Variants in PRELID2 observed in about 807,000 individuals in gnomAD.
PRELID2 encodes PRELI domain-containing protein 2.
Under a neutral mutation model 28.4 loss-of-function variants are expected in PRELID2, and 25 were observed. That is an observed-to-expected ratio of 0.88 (90% CI 0.64 to 1.23). The LOEUF is 1.23. PRELID2 is among the 50% of genes most tolerant of loss of function. The pLI is 0.00. For missense variants in PRELID2, 201 were observed against 214.4 expected (o/e 0.94, Z 0.39); for synonymous variants, 76 against 71.6 (o/e 1.06, Z -0.31).
intron 5 of PRELID2, among the ~76,000 whole-genome samples, chr5:145,769,899 T>C (rs887714358): frequency 1.3e-5 from 2 of 152,220 alleles, no homozygotes; most frequent in Non-Finnish European, 2.9e-5. Flanking sequence ...AAAAACACTA[T>C]GACTTTTAAA....
At chr5:145,229,233 GTCCCTGGAGGGC>G in the PRELID2 span, 1 of 780,658 alleles carries the variant, frequency 1.3e-6, no homozygotes, top group African/African-American at 1.7e-5. Context: ...CCAGATGAAG[GTCCCTGGAGGGC>G]TCCCTGGAGG....
chr5:145,430,669 C>T, the PRELID2 span, among the ~76,000 whole-genome samples: 3 of 152,106 alleles, frequency 2.0e-5, no homozygotes, highest in South Asian at 4.2e-4. Flanking sequence ...CTTTGATTTG[C>T]GTAGTTTTCT....
At chr5:145,311,593 T>C in the PRELID2 span, among the ~76,000 whole-genome samples, 2 of 152,228 alleles carry the variant, frequency 1.3e-5, no homozygotes, top group African/African-American at 4.8e-5. Flanking sequence ...CACTATTTTC[T>C]GGCAAACACA....
At chr5:145,340,480 C>A in the PRELID2 span, among the ~76,000 whole-genome samples, 1 of 152,098 alleles carries the variant, frequency 6.6e-6, no homozygotes, top group Non-Finnish European at 1.5e-5. Context: ...AGGAATCAGG[C>A]TTTCAGGCTG....
In PRELID2 at chr5:145,574,823, T is replaced by C. The variant is rs1053339608; in HGVS notation, n.71-101508A>G. On this transcript the variant is annotated intron_variant and non_coding_transcript_variant, in intron 1 of 2. Transcript: ENST00000510259. ...CTATAAATCATCTCTAGATCACTTA[T>C]AACACATAATACAATGTAAATGCTA... is the stretch of plus-strand genomic sequence containing the variant. Among the ~76,000 whole-genome samples, 5 of 152,204 alleles carry C rather than the reference T, an allele frequency of 3.3e-5. No homozygotes were observed. In the East Asian group the frequency reaches 5.8e-4, roughly 18 times the overall value.
intron 1 of PRELID2, among the ~76,000 whole-genome samples, chr5:145,724,600 A>AATAAATATATATAT (rs1308255896): frequency 8.1e-5 from 2 of 24,778 alleles, no homozygotes; most frequent in Non-Finnish European, 9.5e-5. Context: ...GAAGTAAATA[A>AATAAATATATATAT]ATATATATAT....
chr5:145,741,970 AT>A (rs1756810380), intron 1 of PRELID2, among the ~76,000 whole-genome samples: 1 of 53,774 alleles, frequency 1.9e-5, no homozygotes, highest in African/African-American at 6.1e-5. Flanking sequence ...AAATAAATAA[AT>A]TTATTTAATT....
At chr5:145,749,316 A>T (rs181309697) in intron 1 of PRELID2, among the ~76,000 whole-genome samples, 1 of 152,372 alleles carries the variant, frequency 6.6e-6, no homozygotes, top group Admixed American at 6.5e-5. Flanking sequence ...GGATATGAAC[A>T]GATACTTCAA....
intron 1 of PRELID2, among the ~76,000 whole-genome samples, chr5:145,549,502 G>A (rs1752814799): frequency 1.3e-5 from 2 of 152,090 alleles, no homozygotes; most frequent in Admixed American, 1.3e-4. Context: ...GTACATGCCA[G>A]GTGCAGTGGC....
At chr5:145,628,428 G>A (rs57901705) in intron 1 of PRELID2, among the ~76,000 whole-genome samples, 26,487 of 151,992 alleles carry the variant, frequency 0.17, 3,815 homozygotes, top group African/African-American at 0.38. Context: ...GGTTCAAGCA[G>A]TTCTCCTGCC....
the PRELID2 span, among the ~76,000 whole-genome samples, chr5:145,245,059 G>A: frequency 2.6e-5 from 4 of 151,726 alleles, no homozygotes; most frequent in Admixed American, 6.6e-5. Flanking sequence ...CTTCATTGAC[G>A]TCACTATAGC....
the PRELID2 span, among the ~76,000 whole-genome samples, chr5:145,407,593 C>A: frequency 3.9e-5 from 6 of 152,136 alleles, no homozygotes; most frequent in South Asian, 2.1e-4. Context: ...GCCTAAAAAA[C>A]CCCAGTACTT....
At chr5:145,260,980 G>T in the PRELID2 span, among the ~76,000 whole-genome samples, 3 of 152,156 alleles carry the variant, frequency 2.0e-5, no homozygotes, top group Non-Finnish European at 2.9e-5. Flanking sequence ...TGGGGGCATG[G>T]TGGGAGTGAG....
At chr5:145,790,206 T>G (rs1446894512) in intron 5 of PRELID2, among the ~76,000 whole-genome samples, 1 of 152,186 alleles carries the variant, frequency 6.6e-6, no homozygotes, top group African/African-American at 2.4e-5. Flanking sequence ...TCATGTTCAC[T>G]GCAGCATTAT....
At chr5:145,697,080 T>TAC (rs1491186707) in intron 1 of PRELID2, among the ~76,000 whole-genome samples, 1,528 of 85,592 alleles carry the variant, frequency 0.018, 41 homozygotes, top group East Asian at 0.039. Context: ...TATATATATA[T>TAC]ACACACACAC....
intron 6 of PRELID2, among the ~76,000 whole-genome samples, chr5:145,764,602 A>C (rs924223065): frequency 6.6e-6 from 1 of 152,192 alleles, no homozygotes; most frequent in African/African-American, 2.4e-5. Context: ...TTATTTTCAG[A>C]ACAAAAACAT....
At chr5:145,769,943 A>C (rs1014782690) in intron 5 of PRELID2, among the ~76,000 whole-genome samples, 1 of 152,222 alleles carries the variant, frequency 6.6e-6, no homozygotes, top group Non-Finnish European at 1.5e-5. Flanking sequence ...GCTTGATGAC[A>C]TTTCAGTCAA....
intron 1 of PRELID2, among the ~76,000 whole-genome samples, chr5:145,749,985 G>T (rs1757086903): frequency 6.6e-6 from 1 of 151,574 alleles, no homozygotes; most frequent in Non-Finnish European, 1.5e-5. Context: ...GCAAGGGGAG[G>T]GAACTTAAGA....
intron 4 of PRELID2, among the ~76,000 whole-genome samples, chr5:145,805,872 G>A (rs1342257921): frequency 6.6e-6 from 1 of 152,168 alleles, no homozygotes; most frequent in Non-Finnish European, 1.5e-5. Flanking sequence ...AGTGGTATTT[G>A]TGTATCTAAA....
Sources: allele counts gnomAD v4.1 joint callset (sites outside exome capture counted in the v4.1 genomes callset), GRCh38; gene constraint gnomAD v4.1.1; transcripts MANE v1.5; gene names NCBI Gene and HGNC (gene_info 2026-07-23, HGNC 2026-07-21).